KCNMB4: variants seen among roughly 807,000 people sequenced by gnomAD.
The protein encoded by KCNMB4 is calcium-activated potassium channel subunit beta-4.
KCNMB4 carries 3 observed loss-of-function variants against 20.7 expected under a neutral mutation model. The observed-to-expected ratio is 0.14, with a 90% CI of 0.07 to 0.37. The LOEUF (loss-of-function observed/expected upper bound fraction) is 0.37. Ranked by LOEUF, KCNMB4 falls within the 10% of genes least tolerant of loss-of-function variation. The probability of loss-of-function intolerance (pLI) is 1.00; values close to 1 mark genes in which losing one functional copy is unlikely to be tolerated. For synonymous variants in KCNMB4, 110 were observed against 113.4 expected, an observed-to-expected ratio of 0.97 and a Z score of 0.19; for missense variants, 168 against 265.9, an observed-to-expected ratio of 0.63 and a Z score of 2.56.
chr12:70,370,696 T>G (rs1264668626), intron 1 of KCNMB4, among the ~76,000 whole-genome samples: 1 of 150,916 alleles, frequency 6.6e-6, no homozygotes, highest in Non-Finnish European at 1.5e-5. Flanking sequence ...AATAATAGTT[T>G]AAAACCAATA....
intron 2 of KCNMB4, among the ~76,000 whole-genome samples, chr12:70,414,805 G>A (rs1004401570): frequency 4.6e-5 from 7 of 152,058 alleles, no homozygotes; most frequent in East Asian, 1.9e-4. Flanking sequence ...ATTTAAATAC[G>A]CAAGAATTTA....
chr12:70,401,360 C>G (rs373046472), intron 2 of KCNMB4, among the ~76,000 whole-genome samples: 6 of 148,522 alleles, frequency 4.0e-5, no homozygotes, highest in African/African-American at 1.6e-4. Context: ...CATGACTCTT[C>G]TCTGCCTCCC....
intron 2 of KCNMB4, among the ~76,000 whole-genome samples, chr12:70,422,194 GT>G (rs1188051367): frequency 6.6e-6 from 1 of 152,154 alleles, no homozygotes; most frequent in East Asian, 1.9e-4. Context: ...CTTGTCTCCA[GT>G]TTATTTCTGC....
At chr12:70,383,091 A>G (rs940569370) in intron 1 of KCNMB4, among the ~76,000 whole-genome samples, 1 of 152,192 alleles carries the variant, frequency 6.6e-6, no homozygotes, top group African/African-American at 2.4e-5. Flanking sequence ...ATCTCATGAG[A>G]CCACAGTCAT....
rs773160246 is a variant in KCNMB4, at chr12:70,430,580, T to C, written c.560T>C (p.Ile187Thr). 1.9e-6 allele frequency: 3 copies of C among 1,614,018 alleles called. No homozygotes were observed. The highest frequency in any genetic ancestry group is 2.5e-6 in the Non-Finnish European group (3 of 1,179,978). ...GTGACATTTGTGGTGGGCGTTCTCA[T>C]TGTGGTCCTGACCATCTGTGCCAAG... Reference protein sequence around the residue: ...PLVTFVVGVLIVVLTICAKSL... With the variant: ...PLVTFVVGVLTVVLTICAKSL... Residue 187 changes from isoleucine to threonine, a missense_variant, in exon 3 of 3, where the codon ATT (isoleucine) becomes ACT (threonine). Coordinates refer to ENST00000258111, the MANE Select transcript of KCNMB4 (RefSeq NM_014505.6).
At chr12:70,367,682 G>C (rs1407763310) in intron 1 of KCNMB4, among the ~76,000 whole-genome samples, 3 of 152,008 alleles carry the variant, frequency 2.0e-5, no homozygotes, top group African/African-American at 2.4e-5. Flanking sequence ...AGGGCTCCTA[G>C]TTTTCATGAA....
At position 70,410,806 on chromosome 12, in the gene KCNMB4, A is replaced by G. The variant is rs1868752542; in HGVS notation, c.464+10470A>G. 2.0e-5 allele frequency among the ~76,000 whole-genome samples: 3 copies of G among 151,802 alleles called. No homozygotes were observed. In the South Asian group the frequency reaches 6.2e-4, roughly 31 times the overall value. On this transcript the variant is annotated intron_variant, in intron 2 of 2. Coordinates refer to ENST00000258111, the MANE Select transcript of KCNMB4 (RefSeq NM_014505.6). ...TGAATGAGTAAAACAACAACACAAA[A>G]AAAAGGAAGAAAGAAGAAATTCTGT...
chr12:70,371,538 G>T (rs775233294), intron 1 of KCNMB4, among the ~76,000 whole-genome samples: 2 of 152,172 alleles, frequency 1.3e-5, no homozygotes, highest in Non-Finnish European at 2.9e-5. Context: ...ATGATAAAAG[G>T]CTAAGCAGAA....
At chr12:70,380,391 G>A (rs936300561) in intron 1 of KCNMB4, among the ~76,000 whole-genome samples, 5 of 152,130 alleles carry the variant, frequency 3.3e-5, no homozygotes, top group African/African-American at 1.2e-4. Context: ...ATCATGAAAA[G>A]TTTGAAATAC....
intron 1 of KCNMB4, among the ~76,000 whole-genome samples, chr12:70,387,646 C>T (rs1442570895): frequency 6.6e-6 from 1 of 151,926 alleles, no homozygotes; most frequent in African/African-American, 2.4e-5. Context: ...AAGTCAGCCA[C>T]CATGCCTGGA....
chr12:70,395,848 C>G (rs1286362052), intron 1 of KCNMB4, among the ~76,000 whole-genome samples: 1 of 152,108 alleles, frequency 6.6e-6, no homozygotes, highest in Non-Finnish European at 1.5e-5. Flanking sequence ...GCTGCCTTTG[C>G]AAATGAAAAA....
intron 2 of KCNMB4, among the ~76,000 whole-genome samples, chr12:70,421,470 G>A (rs113399681): frequency 0.077 from 5,893 of 76,160 alleles, 2 homozygotes; most frequent in Non-Finnish European, 0.09. Context: ...TCTCAAAAAA[G>A]AAAAAAAAAA....
At chr12:70,387,011 G>A (rs547166884) in intron 1 of KCNMB4, among the ~76,000 whole-genome samples, 1 of 152,262 alleles carries the variant, frequency 6.6e-6, no homozygotes, top group African/African-American at 2.4e-5. Context: ...ATAACTGCCT[G>A]GGGTAAGGGT....
chr12:70,408,611 G>C (rs891383969), intron 2 of KCNMB4, among the ~76,000 whole-genome samples: 1 of 151,844 alleles, frequency 6.6e-6, no homozygotes, highest in African/African-American at 2.4e-5. Context: ...GTCTCGGTGC[G>C]GCCATCCCTC....
At chr12:70,373,301 C>A (rs1207523242) in intron 1 of KCNMB4, among the ~76,000 whole-genome samples, 4 of 152,098 alleles carry the variant, frequency 2.6e-5, no homozygotes, top group Non-Finnish European at 5.9e-5. Context: ...GGAGATTATC[C>A]TGAGTTATCC....
At chr12:70,423,382 C>T (rs12307983) in intron 2 of KCNMB4, among the ~76,000 whole-genome samples, 2 of 152,180 alleles carry the variant, frequency 1.3e-5, no homozygotes, top group African/African-American at 2.4e-5. Flanking sequence ...AACATTCATA[C>T]ATCTATAATC....
chr12:70,428,301 C>T (rs1025366185), intron 2 of KCNMB4, among the ~76,000 whole-genome samples: 1 of 152,176 alleles, frequency 6.6e-6, no homozygotes, highest in African/African-American at 2.4e-5. Context: ...GCCATCTTAA[C>T]CATTTTAAAA....
At chr12:70,419,458 T>C (rs745843000) in intron 2 of KCNMB4, among the ~76,000 whole-genome samples, 6 of 152,158 alleles carry the variant, frequency 3.9e-5, no homozygotes, top group Non-Finnish European at 8.8e-5. Flanking sequence ...GGATCAGAAA[T>C]CAGCAGTATC....
Position 70,420,442 on chromosome 12 carries a change from G to A in KCNMB4, c.465-10043G>A, listed in dbSNP as rs534877144. Among the ~76,000 whole-genome samples, 21 of 152,278 alleles carry A rather than the reference G, an allele frequency of 1.4e-4. 2 individuals carry two copies. The South Asian group carries it at 4.4e-3, about 32-fold the overall frequency. Reference sequence around the variant, plus strand: ...GAGATCAGAGAGAGTAGTAGGGGATGTGATCAGGGAAAGGAGATTAGAGTG... The same window carrying A: ...GAGATCAGAGAGAGTAGTAGGGGATATGATCAGGGAAAGGAGATTAGAGTG... On this transcript the variant is annotated intron_variant, in intron 2 of 2. Coordinates refer to ENST00000258111, the MANE Select transcript of KCNMB4 (RefSeq NM_014505.6).
Sources: allele counts gnomAD v4.1 joint callset (sites outside exome capture counted in the v4.1 genomes callset), GRCh38; gene constraint gnomAD v4.1.1; transcripts MANE v1.5; gene names NCBI Gene and HGNC (gene_info 2026-07-23, HGNC 2026-07-21).